Variants in NRG1 observed in about 807,000 individuals in gnomAD.
The protein encoded by NRG1 is pro-neuregulin-1, membrane-bound isoform.
In NRG1, 18 loss-of-function variants were observed where a neutral mutation model predicts 63.8. The observed-to-expected ratio is 0.28, with a 90% confidence interval of 0.19 to 0.42. NRG1 has a LOEUF of 0.42. Ranked by LOEUF, NRG1 falls within the 10% of genes least tolerant of loss-of-function variation. The pLI, the probability that NRG1 is intolerant of heterozygous loss-of-function variation, is 1.00. For missense variants in NRG1, 762 were observed against 814.7 expected, an observed-to-expected ratio of 0.94 and a Z score of 0.79; for synonymous variants, 302 against 301.3, an observed-to-expected ratio of 1.00 and a Z score of -0.02.
intron 1 of NRG1, among the ~76,000 whole-genome samples, chr8:32,252,363 A>AT (rs1264132760): frequency 7.2e-5 from 11 of 152,172 alleles, no homozygotes; most frequent in Admixed American, 6.5e-4. Flanking sequence ...TCTTGAGTTA[A>AT]TTTTTGTATA....
At chr8:32,549,361 C>A (rs1481321866) in intron 1 of NRG1, among the ~76,000 whole-genome samples, 1 of 152,204 alleles carries the variant, frequency 6.6e-6, no homozygotes, top group East Asian at 1.9e-4. Context: ...GGGCACAGGG[C>A]AAGCGATGTA....
intron 1 of NRG1, among the ~76,000 whole-genome samples, chr8:32,003,000 A>G (rs1173979187): frequency 6.6e-6 from 1 of 152,034 alleles, no homozygotes; most frequent in East Asian, 1.9e-4. Flanking sequence ...GCTGAACAAA[A>G]TTTTTAACCC....
At chr8:32,486,596 T>A (rs997421936) in intron 1 of NRG1, among the ~76,000 whole-genome samples, 1 of 152,046 alleles carries the variant, frequency 6.6e-6, no homozygotes, top group Non-Finnish European at 1.5e-5. Context: ...AAATACACCA[T>A]TATTTCCTCA....
intron 1 of NRG1, among the ~76,000 whole-genome samples, chr8:31,975,982 A>C (rs1171543003): frequency 6.6e-6 from 1 of 152,126 alleles, no homozygotes; most frequent in Admixed American, 6.5e-5. Flanking sequence ...TGTCAGTATT[A>C]TTTATTCAAG....
intron 1 of NRG1, among the ~76,000 whole-genome samples, chr8:32,308,957 G>A (rs1286551618): frequency 3.9e-5 from 6 of 152,198 alleles, no homozygotes; most frequent in African/African-American, 9.6e-5. Flanking sequence ...GCATTTGACT[G>A]TGGTGCCTTG....
At chr8:32,747,509 G>A (rs1270228258) in intron 7 of NRG1, among the ~76,000 whole-genome samples, 1 of 152,028 alleles carries the variant, frequency 6.6e-6, no homozygotes, top group African/African-American at 2.4e-5. Context: ...ACGGAGGCAA[G>A]AGAAATTTAT....
intron 1 of NRG1, among the ~76,000 whole-genome samples, chr8:32,416,776 C>T (rs1005332148): frequency 1.3e-5 from 2 of 152,152 alleles, no homozygotes; most frequent in African/African-American, 4.8e-5. Context: ...CAGCCTCAAC[C>T]TCCTGGGCTC....
chr8:32,464,940 C>T (rs1408210747), intron 1 of NRG1, among the ~76,000 whole-genome samples: 3 of 152,038 alleles, frequency 2.0e-5, no homozygotes, highest in African/African-American at 4.8e-5. Flanking sequence ...TTTGGGAGGC[C>T]GAGGTGGGTG....
chr8:32,192,499 G>A (rs1321264598), intron 1 of NRG1, among the ~76,000 whole-genome samples: 9 of 152,034 alleles, frequency 5.9e-5, no homozygotes, highest in Admixed American at 1.3e-4. Flanking sequence ...AGAGAAAACC[G>A]TATGCCACGT....
chr8:32,413,021 G>C (rs1815331276), intron 1 of NRG1, among the ~76,000 whole-genome samples: 3 of 152,136 alleles, frequency 2.0e-5, no homozygotes. Flanking sequence ...GAAGGAGTCT[G>C]AATTCACCCA....
chr8:31,935,112 A>G (rs1213371971), intron 1 of NRG1, among the ~76,000 whole-genome samples: 1 of 151,692 alleles, frequency 6.6e-6, no homozygotes, highest in Non-Finnish European at 1.5e-5. Context: ...CACCACGCCC[A>G]GCTAAGTTTT....
At chr8:32,488,250 T>C (rs990971056) in intron 1 of NRG1, among the ~76,000 whole-genome samples, 17 of 152,344 alleles carry the variant, frequency 1.1e-4, no homozygotes, top group Admixed American at 3.3e-4. Context: ...ATACTTTTCG[T>C]TCTTATAATC....
At chr8:31,772,245 C>A (rs1420215145) in intron 1 of NRG1, among the ~76,000 whole-genome samples, 1 of 152,062 alleles carries the variant, frequency 6.6e-6, no homozygotes, top group Non-Finnish European at 1.5e-5. Flanking sequence ...CTGTGATGAT[C>A]CAGTGTTTCT....
intron 1 of NRG1, among the ~76,000 whole-genome samples, chr8:31,709,208 T>A (rs1811489245): frequency 6.6e-6 from 1 of 151,538 alleles, no homozygotes. Context: ...TCAAGTGATT[T>A]TTTTTTTTGG....
intron 3 of NRG1, among the ~76,000 whole-genome samples, chr8:32,608,098 T>G (rs1250851837): frequency 1.2e-3 from 151 of 129,356 alleles, no homozygotes; most frequent in African/African-American, 3.6e-3. Context: ...TTTTGTTTTT[T>G]TTTTTTTTGT....
intron 1 of NRG1, among the ~76,000 whole-genome samples, chr8:31,944,835 G>C (rs1410679406): frequency 2.6e-5 from 4 of 152,134 alleles, no homozygotes; most frequent in African/African-American, 9.7e-5. Context: ...TTTCTGTAGG[G>C]AACCAGCTGT....
chr8:32,487,338 C>T (rs1009721299), intron 1 of NRG1, among the ~76,000 whole-genome samples: 4 of 152,052 alleles, frequency 2.6e-5, no homozygotes, highest in East Asian at 1.9e-4. Context: ...TAAAGGGAAA[C>T]GAAATGCAAC....
At chr8:32,068,441 G>A (rs1024170865) in intron 1 of NRG1, among the ~76,000 whole-genome samples, 3 of 152,212 alleles carry the variant, frequency 2.0e-5, no homozygotes, top group Non-Finnish European at 4.4e-5. Flanking sequence ...GATGCCAGAA[G>A]ATGATGGATC....
At chr8:32,737,150 A>G (rs180808043) in intron 6 of NRG1, among the ~76,000 whole-genome samples, 1 of 152,334 alleles carries the variant, frequency 6.6e-6, no homozygotes, top group Admixed American at 6.5e-5. Context: ...AAGATAACAG[A>G]CTTACTTTTA....
Sources: allele counts gnomAD v4.1 joint callset (sites outside exome capture counted in the v4.1 genomes callset), GRCh38; gene constraint gnomAD v4.1.1; transcripts MANE v1.5; gene names NCBI Gene and HGNC (gene_info 2026-07-23, HGNC 2026-07-21).